PERP: variants seen among roughly 807,000 people sequenced by gnomAD.
PERP encodes p53 apoptosis effector related to PMP-22.
PERP carries 11 observed loss-of-function variants against 20.3 expected under a neutral mutation model. The observed-to-expected ratio is 0.54, with a 90% CI of 0.34 to 0.90. PERP has a LOEUF of 0.90. PERP is among the 40% of genes least tolerant of loss of function. The pLI is 0.02. For missense variants in PERP, 224 were observed against 249.4 expected, an observed-to-expected ratio of 0.90 and a Z score of 0.69; for synonymous variants, 101 against 102.0, an observed-to-expected ratio of 0.99 and a Z score of 0.06.
rs1344019245 is a variant in PERP at position 138,089,168 on chromosome 6, A to G, written c.*2874T>C. The G allele has an allele frequency of 6.6e-6, 1 of 152,176 alleles. No homozygotes were observed. Among genetic ancestry groups the G allele is most frequent in the East Asian group, 1.9e-4 (1 of 5,192 alleles). 9.4% of individuals were successfully genotyped at this position (152,176 alleles called of 1,614,324 possible). On this transcript the variant is annotated 3_prime_UTR_variant, in exon 3 of 3. Coordinates refer to ENST00000421351, the MANE Select transcript of PERP (RefSeq NM_022121.5). The stretch of plus-strand genomic sequence containing the variant: ...CAAGCCTGCACAGATAGCAAGGACC[A>G]AAGTTGGGATGAGACTCAAATATGC...
intron 2 of PERP, among the ~76,000 whole-genome samples, chr6:138,096,024 C>A (rs1239105743): frequency 1.3e-5 from 2 of 151,854 alleles, no homozygotes; most frequent in Non-Finnish European, 2.9e-5. Flanking sequence ...CTGGGGACCA[C>A]AACGGAGAGC....
chr6:138,098,805 G>T (rs1582967171), intron 1 of PERP, among the ~76,000 whole-genome samples: 1 of 152,170 alleles, frequency 6.6e-6, no homozygotes, highest in Non-Finnish European at 1.5e-5. Flanking sequence ...GGATGGGGCT[G>T]AGACTGTACC....
chr6:138,092,903 T>C (rs961669965), intron 2 of PERP, among the ~76,000 whole-genome samples: 2 of 151,336 alleles, frequency 1.3e-5, no homozygotes, highest in Admixed American at 6.6e-5. Context: ...GGGAAGGGCA[T>C]GGGGAAGTGT....
At chr6:138,095,619 T>A (rs990906102) in intron 2 of PERP, among the ~76,000 whole-genome samples, 1 of 152,196 alleles carries the variant, frequency 6.6e-6, no homozygotes, top group African/African-American at 2.4e-5. Flanking sequence ...TTCTCTTTTT[T>A]CCCTGCTCAG....
chr6:138,104,881 G>C (rs1056877032), intron 1 of PERP, among the ~76,000 whole-genome samples: 1 of 150,392 alleles, frequency 6.6e-6, no homozygotes, highest in Non-Finnish European at 1.5e-5. Flanking sequence ...CCTTACTAAG[G>C]CTATCTGAAA....
rs1303267033 is a variant in PERP at position 138,107,062 on chromosome 6, C to G, written c.214+65G>C. On this transcript the variant is annotated intron_variant, in intron 1 of 2. Transcript: ENST00000421351. The surrounding 1 kb of genome is among the most constrained non-coding windows in gnomAD (Gnocchi z 4.8). ...TGTGAGGGCCCATCACGCGCGGCGG[C>G]TTTTGCAGGCCGCGGCCCCGAGGGC... The G allele has an allele frequency of 2.6e-6, 4 of 1,509,712 alleles. No individual in the cohort carries two copies. The Admixed American group carries it at 6.2e-5, about 24-fold the overall frequency. The allele number at this position is 1,509,712 out of a possible 1,614,324, so 93.5% of individuals were successfully genotyped here.
chr6:138,090,353 A>T lies in PERP; in HGVS notation c.*1689T>A, dbSNP rs1775558122. On this transcript the variant is annotated 3_prime_UTR_variant, in exon 3 of 3. Coordinates refer to ENST00000421351, the MANE Select transcript of PERP (RefSeq NM_022121.5). ...CATATGACTTATGGTGGGAAAAAAA[A>T]TAACAAATGATAAAATGGGAAGGAG... 6.6e-6 allele frequency: 1 copy of T among 152,200 alleles called. No individual in the cohort carries two copies. Among genetic ancestry groups the T allele is most frequent in the Non-Finnish European group, 1.5e-5 (1 of 68,072 alleles). The allele number at this position is 152,200 out of a possible 1,614,324, so 9.4% of individuals were successfully genotyped here.
chr6:138,102,199 T>G (rs1360923892), intron 1 of PERP, among the ~76,000 whole-genome samples: 2 of 152,248 alleles, frequency 1.3e-5, no homozygotes, highest in African/African-American at 4.8e-5. Context: ...CATTGCTCTC[T>G]GTTACTTTAA....
intron 1 of PERP, among the ~76,000 whole-genome samples, chr6:138,101,909 C>T (rs140478924): frequency 1.3e-5 from 2 of 152,264 alleles, no homozygotes; most frequent in Admixed American, 6.5e-5. Flanking sequence ...GTTAAAATGC[C>T]GATTCCGATC....
intron 1 of PERP, among the ~76,000 whole-genome samples, chr6:138,103,593 G>A (rs1316445239): frequency 6.6e-6 from 1 of 152,110 alleles, no homozygotes; most frequent in Non-Finnish European, 1.5e-5. Flanking sequence ...AATTTTCCTT[G>A]GTTTTGGGAT....
chr6:138,099,903 T>G (rs1157986330), intron 1 of PERP, among the ~76,000 whole-genome samples: 1 of 152,228 alleles, frequency 6.6e-6, no homozygotes, highest in Admixed American at 6.5e-5. Context: ...TTATTTAAAG[T>G]GCTGAGTCTA....
intron 1 of PERP, among the ~76,000 whole-genome samples, chr6:138,099,403 A>T (rs1461249798): frequency 6.6e-6 from 1 of 152,204 alleles, no homozygotes; most frequent in African/African-American, 2.4e-5. Flanking sequence ...TAAATCAAAT[A>T]AGCAAAAACT....
intron 1 of PERP, among the ~76,000 whole-genome samples, chr6:138,097,596 C>T (rs1274696384): frequency 6.6e-6 from 1 of 151,962 alleles, no homozygotes; most frequent in Non-Finnish European, 1.5e-5. Flanking sequence ...CTCCTAATAA[C>T]TTCTTAAGGT....
In PERP at chr6:138,092,266, C is replaced by A. The variant is rs1193109077; in HGVS notation, c.358G>T (p.Val120Leu). Residue 120 changes from valine (V) to leucine (L), a missense_variant and splice_region_variant, in exon 3 of 3, where the codon GTG (valine) becomes TTG (leucine). Val to Leu is a conservative substitution (Grantham distance 32, BLOSUM62 1). Transcript: ENST00000421351. ...VIGGLLALAA[V>L]FQIISLVIYP... ...ATTACCAGGGAGATGATCTGGAACA[C>A]AGCTAAAGGGAAGAAAAAAATCCCA... 4.3e-6 allele frequency: 7 copies of A among 1,612,946 alleles called. No homozygotes were observed. Among genetic ancestry groups the A allele is most frequent in the Non-Finnish European group, 5.9e-6 (7 of 1,179,060 alleles).
At chr6:138,095,392 C>T (rs1335506057) in intron 2 of PERP, among the ~76,000 whole-genome samples, 1 of 152,196 alleles carries the variant, frequency 6.6e-6, no homozygotes, top group Non-Finnish European at 1.5e-5. Context: ...GAACTTAACT[C>T]TTCTAAGCTC....
At chr6:138,102,318 GA>G (rs1775786792) in intron 1 of PERP, among the ~76,000 whole-genome samples, 1 of 152,238 alleles carries the variant, frequency 6.6e-6, no homozygotes, top group South Asian at 2.1e-4. Flanking sequence ...AACTAGCAGT[GA>G]ATTTGGGGTC....
rs1211954691 is a variant in PERP at position 138,090,073 on chromosome 6, T to C, written c.*1969A>G. The C allele has an allele frequency of 1.3e-5, 2 of 152,198 alleles. No individual in the cohort carries two copies. The allele number at this position is 152,198 out of a possible 1,614,324, so 9.4% of individuals were successfully genotyped here. On this transcript the variant is annotated 3_prime_UTR_variant, in exon 3 of 3. Coordinates refer to ENST00000421351, the MANE Select transcript of PERP (RefSeq NM_022121.5). ...GTATCACTTTAAAAGATGGGATTTT[T>C]AACATTTTTAATGACCACTTCAAAT...
intron 1 of PERP, among the ~76,000 whole-genome samples, chr6:138,100,763 T>C (rs1775759095): frequency 6.6e-6 from 1 of 152,192 alleles, no homozygotes; most frequent in Non-Finnish European, 1.5e-5. Context: ...CTAAGTACCA[T>C]TTAGAAAAGC....
intron 1 of PERP, among the ~76,000 whole-genome samples, chr6:138,100,073 G>C (rs769259410): frequency 6.6e-6 from 1 of 152,174 alleles, no homozygotes; most frequent in Non-Finnish European, 1.5e-5. Flanking sequence ...TAAAGATCCT[G>C]ACTGATGAAT....
Sources: gnomAD v4.1 joint callset for allele counts (sites outside exome capture counted in the v4.1 genomes callset) on GRCh38, gnomAD v4.1.1 for gene constraint, Gnocchi (gnomAD v3.1) non-coding constraint, MANE v1.5 for transcripts, NCBI Gene and HGNC (gene_info 2026-07-23, HGNC 2026-07-21) for gene names.